PTPRD: variants seen among roughly 807,000 people sequenced by gnomAD.
The protein encoded by PTPRD is protein tyrosine phosphatase receptor type D.
PTPRD carries 34 observed loss-of-function variants against 214.5 expected under a neutral mutation model. The ratio of observed to expected loss-of-function variants is 0.16; its 90% CI spans 0.12 to 0.21. The LOEUF (loss-of-function observed/expected upper bound fraction) is 0.21, where lower values mean the gene tolerates loss of function less well. PTPRD is among the 10% of genes least tolerant of loss of function. The pLI, the probability that PTPRD is intolerant of heterozygous loss-of-function variation, is 1.00. For synonymous variants in PTPRD, 1,128 were observed against 845.7 expected (o/e 1.33, Z -5.79); for missense variants, 2,545 against 2,398.7 (o/e 1.06, Z -1.27).
chr9:10,427,011 C>T (rs779631383), intron 2 of PTPRD, among the ~76,000 whole-genome samples: 2 of 152,000 alleles, frequency 1.3e-5, no homozygotes, highest in Non-Finnish European at 2.9e-5. Context: ...GAGATTTCTT[C>T]ACAAAAGATC....
rs548919901 is a variant in PTPRD, at chr9:9,690,364, C to T, written c.-287+44169G>A. The stretch of plus-strand genomic sequence containing the variant: ...CCTTCCTATCGAGTTGTCTGAAGTC[C>T]TTATATTCTGATTATTAGTTCCTTG... On this transcript the variant is annotated intron_variant, in intron 7 of 45. Transcript: ENST00000381196. Among the ~76,000 whole-genome samples, 17 of 151,806 alleles carry T rather than the reference C, an allele frequency of 1.1e-4. No individual in the cohort carries two copies. The South Asian group carries it at 3.3e-3, about 30-fold the overall frequency.
At chr9:9,261,727 C>A (rs1346462422) in intron 9 of PTPRD, among the ~76,000 whole-genome samples, 1 of 150,998 alleles carries the variant, frequency 6.6e-6, no homozygotes, top group Non-Finnish European at 1.5e-5. Flanking sequence ...AATAATAAAT[C>A]AATTTTGAAG....
intron 9 of PTPRD, among the ~76,000 whole-genome samples, chr9:9,269,091 A>C (rs548571586): frequency 3.5e-4 from 53 of 151,470 alleles, no homozygotes; most frequent in African/African-American, 1.3e-3. Flanking sequence ...GAATGGGAAA[A>C]AATATCTGCA....
intron 2 of PTPRD, among the ~76,000 whole-genome samples, chr9:10,438,093 CAA>C (rs1228530541): frequency 6.7e-6 from 1 of 148,768 alleles, no homozygotes; most frequent in East Asian, 2.0e-4. Flanking sequence ...TTGATTTACT[CAA>C]AATAACATAT....
At chr9:8,982,795 C>G (rs2154341372) in intron 11 of PTPRD, among the ~76,000 whole-genome samples, 1 of 151,944 alleles carries the variant, frequency 6.6e-6, no homozygotes, top group South Asian at 2.1e-4. Context: ...TATTTATTTT[C>G]CTTATTTTTA....
intron 4 of PTPRD, among the ~76,000 whole-genome samples, chr9:9,954,063 G>A (rs921155576): frequency 3.3e-5 from 5 of 151,930 alleles, no homozygotes; most frequent in Non-Finnish European, 7.4e-5. Context: ...TTGGGAGGCG[G>A]AGGCAGGTGG....
intron 5 of PTPRD, among the ~76,000 whole-genome samples, chr9:9,824,257 T>G (rs1279218840): frequency 6.6e-6 from 1 of 152,016 alleles, no homozygotes; most frequent in Admixed American, 6.6e-5. Context: ...ACCTGCATCT[T>G]TATTTATCCT....
At chr9:10,567,413 T>C (rs2065961699) in intron 2 of PTPRD, among the ~76,000 whole-genome samples, 1 of 152,152 alleles carries the variant, frequency 6.6e-6, no homozygotes, top group African/African-American at 2.4e-5. Context: ...AAACTTCTAT[T>C]TCCTTAAGTG....
intron 14 of PTPRD, among the ~76,000 whole-genome samples, chr9:8,602,973 C>T (rs1167713068): frequency 1.3e-5 from 2 of 152,160 alleles, no homozygotes; most frequent in African/African-American, 4.8e-5. Context: ...CCTTAGACTG[C>T]TGCCACTGGA....
intron 7 of PTPRD, among the ~76,000 whole-genome samples, chr9:9,661,344 AT>A (rs934411962): frequency 1.3e-5 from 2 of 151,866 alleles, no homozygotes; most frequent in Non-Finnish European, 2.9e-5. Flanking sequence ...CTAACTGTAT[AT>A]TTTTTTAAAT....
chr9:8,547,038 A>G (rs13285299), intron 14 of PTPRD, among the ~76,000 whole-genome samples: 1 of 152,184 alleles, frequency 6.6e-6, no homozygotes, highest in Non-Finnish European at 1.5e-5. Context: ...ATACCATTTT[A>G]TCTTGCTATG....
chr9:10,351,898 G>A (rs1323492), intron 2 of PTPRD, among the ~76,000 whole-genome samples: 34,801 of 151,790 alleles, frequency 0.23, 4,077 homozygotes, highest in South Asian at 0.28. Flanking sequence ...GGGCATAGAT[G>A]TGTTAGCAAA....
intron 9 of PTPRD, among the ~76,000 whole-genome samples, chr9:9,198,861 A>G (rs2099940209): frequency 6.6e-6 from 1 of 152,168 alleles, no homozygotes. Context: ...GAACTTCTTA[A>G]TTGGCTCCTA....
intron 8 of PTPRD, among the ~76,000 whole-genome samples, chr9:9,458,148 T>C (rs1381165648): frequency 1.3e-5 from 2 of 152,068 alleles, no homozygotes; most frequent in East Asian, 1.9e-4. Context: ...TTTCAGAGCA[T>C]AGAAGTTCCT....
chr9:9,535,444 T>C (rs1590993241), intron 8 of PTPRD, among the ~76,000 whole-genome samples: 1 of 152,046 alleles, frequency 6.6e-6, no homozygotes, highest in African/African-American at 2.4e-5. Context: ...AGTTTGGTGT[T>C]TGATAGTGTG....
At chr9:8,734,090 T>C (rs146614381) in intron 11 of PTPRD, 144 bp from the exon 12 acceptor site, 16 of 551,050 alleles carry the variant, frequency 2.9e-5, no homozygotes, top group Non-Finnish European at 3.3e-6. Context: ...CTGTCATACT[T>C]TGTTTGTATT....
intron 2 of PTPRD, among the ~76,000 whole-genome samples, chr9:10,488,978 C>T (rs935998645): frequency 6.6e-6 from 1 of 152,072 alleles, no homozygotes; most frequent in Non-Finnish European, 1.5e-5. Flanking sequence ...ACCTAATGTG[C>T]AAGACAAAGT....
rs1406903115 is a variant in PTPRD at position 9,030,376 on chromosome 9, A to G, written c.-142-11641T>C. On this transcript the variant is annotated intron_variant, in intron 10 of 45. Coordinates refer to ENST00000381196, the MANE Select transcript of PTPRD (RefSeq NM_002839.4). Reference sequence around the variant, plus strand: ...TATCAAATAAACTTTCTTCTGAAGAAGCTCAGACTTATTGTTTACTGTAGC... The same window carrying G: ...TATCAAATAAACTTTCTTCTGAAGAGGCTCAGACTTATTGTTTACTGTAGC... Among the ~76,000 whole-genome samples the G allele has an allele frequency of 3.4e-5, 5 of 146,840 alleles. No individual in the cohort carries two copies. The East Asian group carries it at 1.0e-3, about 30-fold the overall frequency.
chr9:9,322,371 A>G (rs1006790354), intron 9 of PTPRD, among the ~76,000 whole-genome samples: 2 of 152,162 alleles, frequency 1.3e-5, no homozygotes, highest in African/African-American at 4.8e-5. Context: ...CTGTGAGAAG[A>G]GTATATTCAT....
Sources: allele counts gnomAD v4.1 joint callset (sites outside exome capture counted in the v4.1 genomes callset), GRCh38; gene constraint gnomAD v4.1.1; transcripts MANE v1.5; gene names NCBI Gene and HGNC (gene_info 2026-07-23, HGNC 2026-07-21).